The following CATSPERG variants were observed in gnomAD, a reference collection of about 807,000 sequenced individuals.
CATSPERG encodes cation channel sperm-associated auxiliary subunit gamma.
CATSPERG carries 115 observed loss-of-function variants against 145.0 expected under a neutral mutation model. The ratio of observed to expected loss-of-function variants is 0.79; its 90% CI spans 0.68 to 0.93. The LOEUF (loss-of-function observed/expected upper bound fraction) is 0.93, where lower values mean the gene tolerates loss of function less well. Among genes scored for constraint, CATSPERG ranks in the 40% least tolerant of loss-of-function variants. The probability of loss-of-function intolerance (pLI) is 0.00; values close to 1 mark genes in which losing one functional copy is unlikely to be tolerated. For missense variants in CATSPERG, 1,296 were observed against 1,490.1 expected (o/e 0.87, Z 2.14); for synonymous variants, 588 against 589.0 (o/e 1.00, Z 0.02).
chr19:38,339,072 G>A (rs1969893761), intron 3 of CATSPERG, among the ~76,000 whole-genome samples: 1 of 152,156 alleles, frequency 6.6e-6, no homozygotes, highest in Non-Finnish European at 1.5e-5. Context: ...AAAGCCCCGA[G>A]CTCTGGGAGC....
At chr19:38,355,412 T>C (rs1970226393) in intron 9 of CATSPERG, among the ~76,000 whole-genome samples, 1 of 134,984 alleles carries the variant, frequency 7.4e-6, no homozygotes, top group African/African-American at 2.8e-5. Flanking sequence ...ATAATTGAAG[T>C]ACAGCTGGGC....
rs748083478 is a variant in CATSPERG, at chr19:38,370,683, C to T, written c.3371C>T (p.Ser1124Leu). ...YYTYASISGI[S>L]SMPSLRHSRM... ...ACCTACGCCTCCATTTCCGGAATCT[C>T]GAGCATGCCGTCTCTGAGACATTCC... The change falls in exon 29 of 29, where the codon TCG (serine) becomes TTG (leucine). Residue 1124 changes from serine (S) to leucine (L), a missense_variant. Transcript: ENST00000409235. 8 of 1,614,028 alleles carry T rather than the reference C, an allele frequency of 5.0e-6. No homozygotes were observed. Among genetic ancestry groups the T allele is most frequent in the Non-Finnish European group, 5.9e-6 (7 of 1,180,022 alleles).
Position 38,362,844 on chromosome 19 carries a change from CG to C in CATSPERG, c.2475+16del. The C allele has an allele frequency of 1.6e-6, 2 of 1,271,304 alleles. No homozygotes were observed. Among genetic ancestry groups the C allele is most frequent in the Non-Finnish European group, 2.3e-6 (2 of 872,192 alleles). 78.8% of individuals were successfully genotyped at this position (1,271,304 alleles called of 1,614,324 possible). A position where few individuals can be genotyped will look rare whatever the true frequency, so the allele number is the denominator to read the frequency against. ...CGGTGCTATTTTCGGTGAGGCCCCCCGGGGAGTTGGGATCAAGGGAGGTTTT... is the reference window on the plus strand; with the variant it reads ...CGGTGCTATTTTCGGTGAGGCCCCCCGGGAGTTGGGATCAAGGGAGGTTTT... On this transcript the variant is annotated intron_variant, in intron 20 of 28. Coordinates refer to ENST00000409235, the MANE Select transcript of CATSPERG (RefSeq NM_021185.5).
At chr19:38,365,684 T>C (rs992728090) in intron 22 of CATSPERG, 1 of 150,964 alleles carries the variant, frequency 6.6e-6, no homozygotes, top group Non-Finnish European at 1.5e-5. Context: ...GAGAATAGAG[T>C]GAGCAACAGG....
In CATSPERG at chr19:38,362,525, C is replaced by T; in HGVS notation, c.2307C>T (p.Ala769=). The stretch of plus-strand genomic sequence containing the variant: ...ACAAGGGCACTGAGTACAGCTTCGC[C>T]ATCTTCCTGTCGGCGCAGGGCCACT... ...FLDKGTEYSF[A]IFLSAQGHSF... is the part of the protein sequence containing the mutation. Residue 769 remains alanine (A), a synonymous_variant, in exon 19 of 29, where the codon GCC becomes GCT. Coordinates refer to ENST00000409235, the MANE Select transcript of CATSPERG (RefSeq NM_021185.5). 6.2e-7 allele frequency: 1 copy of T among 1,613,914 alleles called. No homozygotes were observed. The highest frequency in any genetic ancestry group is 8.5e-7 in the Non-Finnish European group (1 of 1,180,032).
intron 20 of CATSPERG, among the ~76,000 whole-genome samples, chr19:38,363,088 G>T (rs1042166123): frequency 1.5e-4 from 23 of 151,970 alleles, no homozygotes; most frequent in African/African-American, 5.6e-4. Flanking sequence ...GCCCAGGCTG[G>T]AGTGCAATGG....
chr19:38,337,367 A>C lies in CATSPERG; in HGVS notation c.133A>C (p.Thr45Pro). The change falls in exon 2 of 29, where the codon ACC (threonine) becomes CCC (proline). Residue 45 changes from threonine to proline, a missense_variant. Thr to Pro is a conservative substitution (Grantham distance 38, BLOSUM62 -1). Coordinates refer to ENST00000409235, the MANE Select transcript of CATSPERG (RefSeq NM_021185.5). ...LWAIKDFQECTWQVVLNEFKR... is the reference protein window; with the variant it reads ...LWAIKDFQECPWQVVLNEFKR... The stretch of plus-strand genomic sequence containing the variant: ...GGCGATCAAGGATTTCCAGGAATGC[A>C]CCTGGCAGGTTGTCCTGAACGAGTT... 1 of 1,551,450 alleles carries C rather than the reference A, an allele frequency of 6.4e-7. No individual in the cohort carries two copies. The highest frequency in any genetic ancestry group is 8.7e-7 in the Non-Finnish European group (1 of 1,146,914).
chr19:38,363,500 T>C (rs1398377446), intron 20 of CATSPERG, among the ~76,000 whole-genome samples: 2 of 150,986 alleles, frequency 1.3e-5, no homozygotes, highest in Non-Finnish European at 3.0e-5. Context: ...TTTTTTTTTT[T>C]TTTTTTTTTA....
In CATSPERG at chr19:38,337,405, C is replaced by A. The variant is rs576017768; in HGVS notation, c.171C>A (p.Gly57=). The change falls in exon 2 of 29, where the codon GGC becomes GGA. Residue 57 remains glycine (G), a synonymous_variant. Coordinates refer to ENST00000409235, the MANE Select transcript of CATSPERG (RefSeq NM_021185.5). ...QVVLNEFKRV[G]ESGVSDSFFE... ...TCCTGAACGAGTTTAAGAGGGTAGG[C>A]GAGAGTGGTGTGAGCGACAGCTTCT... 1 of 1,551,792 alleles carries A rather than the reference C, an allele frequency of 6.4e-7. No individual in the cohort carries two copies. Among genetic ancestry groups the A allele is most frequent in the Admixed American group, 2.0e-5 (1 of 50,960 alleles).
intron 9 of CATSPERG, among the ~76,000 whole-genome samples, chr19:38,355,990 A>G (rs1302130029): frequency 1.3e-5 from 2 of 152,286 alleles, no homozygotes; most frequent in East Asian, 3.9e-4. Context: ...ACTAGCATCT[A>G]GGTCACCGGG....
chr19:38,340,790 C>G (rs1036796950), intron 3 of CATSPERG, among the ~76,000 whole-genome samples: 1 of 151,510 alleles, frequency 6.6e-6, no homozygotes, highest in African/African-American at 2.4e-5. Context: ...AGTGTACTTT[C>G]AATTAGACAG....
chr19:38,344,209 A>T (rs1969987360), intron 5 of CATSPERG, 87 bp from the exon 6 acceptor site: 22 of 1,541,610 alleles, frequency 1.4e-5, no homozygotes, highest in Admixed American at 2.0e-5. Flanking sequence ...GATCCAAGGG[A>T]GAGAATGGGG....
In CATSPERG at chr19:38,363,125, G is replaced by A. The variant is rs180740406; in HGVS notation, c.2475+293G>A. Among the ~76,000 whole-genome samples the A allele has an allele frequency of 5.1e-4, 78 of 152,150 alleles. 1 individual carries two copies. Among genetic ancestry groups the A allele is most frequent in the Admixed American group, 5.0e-3 (77 of 15,278 alleles). On this transcript the variant is annotated intron_variant, in intron 20 of 28. Coordinates refer to ENST00000409235, the MANE Select transcript of CATSPERG (RefSeq NM_021185.5). ...ACGATCTCGGCTCACTGTAACCTCT[G>A]CCTCCCAGATTCAACCGAGTCTCCT...
chr19:38,341,021 A>C (rs1300513453), intron 3 of CATSPERG, among the ~76,000 whole-genome samples: 1 of 152,178 alleles, frequency 6.6e-6, no homozygotes, highest in African/African-American at 2.4e-5. Context: ...GGCCGAGGGA[A>C]GAGCCAGCAC....
chr19:38,341,051 A>G (rs918331000), intron 3 of CATSPERG, among the ~76,000 whole-genome samples: 3 of 152,148 alleles, frequency 2.0e-5, no homozygotes, highest in Admixed American at 1.3e-4. Context: ...GAGGTAGGAA[A>G]GAGGTCAGCA....
chr19:38,340,981 A>G (rs1969928829), intron 3 of CATSPERG, among the ~76,000 whole-genome samples: 1 of 152,014 alleles, frequency 6.6e-6, no homozygotes. Flanking sequence ...AAAAGTGGGG[A>G]TTATTAGGAG....
At chr19:38,358,363 C>T (rs1230977536) in intron 12 of CATSPERG, 35 bp downstream of exon 12, 6 of 1,613,958 alleles carry the variant, frequency 3.7e-6, no homozygotes, top group Non-Finnish European at 5.1e-6. Flanking sequence ...CTCAGGGTGG[C>T]TGTGGGCCAG....
chr19:38,341,682 A>T (rs1263200454), intron 3 of CATSPERG, among the ~76,000 whole-genome samples: 1 of 151,974 alleles, frequency 6.6e-6, no homozygotes, highest in Non-Finnish European at 1.5e-5. Flanking sequence ...CAGGTGGATC[A>T]CCTGAGTTCA....
chr19:38,357,785 C>G (rs1420424711), intron 11 of CATSPERG, among the ~76,000 whole-genome samples: 1 of 152,168 alleles, frequency 6.6e-6, no homozygotes, highest in Non-Finnish European at 1.5e-5. Context: ...AACCCTGTCT[C>G]TACTAAAAAT....
Sources: gnomAD v4.1 joint callset for allele counts (sites outside exome capture counted in the v4.1 genomes callset) on GRCh38, gnomAD v4.1.1 for gene constraint, MANE v1.5 for transcripts, NCBI Gene and HGNC (gene_info 2026-07-23, HGNC 2026-07-21) for gene names.